The following MINDY4 variants were observed in gnomAD, a reference collection of about 807,000 sequenced individuals.
MINDY4 encodes probable ubiquitin carboxyl-terminal hydrolase MINDY-4.
A neutral mutation model predicts 87.0 loss-of-function variants in MINDY4; 68 were observed. The ratio of observed to expected loss-of-function variants is 0.78; its 90% CI spans 0.64 to 0.96. MINDY4 has a LOEUF of 0.96. Among genes scored for constraint, MINDY4 ranks in the 40% least tolerant of loss-of-function variants. The probability of loss-of-function intolerance (pLI) is 0.00; values close to 1 mark genes in which losing one functional copy is unlikely to be tolerated. For synonymous variants in MINDY4, 379 were observed against 363.2 expected (o/e 1.04, Z -0.50); for missense variants, 919 against 928.2 (o/e 0.99, Z 0.13).
chr7:30,818,185 T>TA (rs1231261590), intron 5 of MINDY4, among the ~76,000 whole-genome samples: 2 of 152,250 alleles, frequency 1.3e-5, no homozygotes, highest in African/African-American at 4.8e-5. Context: ...TGCATCTATT[T>TA]AGATTATTTT....
chr7:30,830,471 A>C (rs1788665756), intron 6 of MINDY4, among the ~76,000 whole-genome samples: 1 of 152,218 alleles, frequency 6.6e-6, no homozygotes, highest in African/African-American at 2.4e-5. Context: ...ACAGTTCAGC[A>C]TGGCTGGGGA....
chr7:30,814,790 C>A (rs189259716), intron 5 of MINDY4, among the ~76,000 whole-genome samples: 1 of 152,346 alleles, frequency 6.6e-6, no homozygotes, highest in Admixed American at 6.5e-5. Context: ...TAAGCCTCTT[C>A]ACCTTTCTAA....
intron 5 of MINDY4, among the ~76,000 whole-genome samples, chr7:30,799,139 C>T (rs1369647593): frequency 1.3e-5 from 2 of 152,122 alleles, no homozygotes; most frequent in East Asian, 3.9e-4. Flanking sequence ...CCTCTCTGGG[C>T]CTCTGTGCTC....
chr7:30,865,422 G>T (rs886432825), intron 13 of MINDY4, among the ~76,000 whole-genome samples: 1 of 152,352 alleles, frequency 6.6e-6, no homozygotes, highest in East Asian at 1.9e-4. Flanking sequence ...GTGGACCCAC[G>T]GGGGCATGGA....
At chr7:30,851,704 G>A (rs1789418599) in intron 10 of MINDY4, among the ~76,000 whole-genome samples, 1 of 152,212 alleles carries the variant, frequency 6.6e-6, no homozygotes, top group Non-Finnish European at 1.5e-5. Context: ...GAAGCCCAGA[G>A]AGGGAGGGTG....
Position 30,852,254 on chromosome 7 carries a change from A to G in MINDY4, c.1586A>G (p.Tyr529Cys). 1.2e-6 allele frequency: 2 copies of G among 1,614,194 alleles called. No homozygotes were observed. Among genetic ancestry groups the G allele is most frequent in the Non-Finnish European group, 1.7e-6 (2 of 1,180,026 alleles). Residue 529 changes from tyrosine to cysteine, a missense_variant, in exon 11 of 18, where the codon TAC becomes TGC. Transcript: ENST00000265299. ...CAGCAGTTCAGTCCAACAGGGAAAT[A>G]CAAAGCAGATGGAGTCTTAGAAACA... ...RTQQFSPTGK[Y>C]KADGVLETLT...
At chr7:30,805,943 G>A (rs1456614478) in intron 5 of MINDY4, among the ~76,000 whole-genome samples, 4 of 152,144 alleles carry the variant, frequency 2.6e-5, no homozygotes, top group South Asian at 2.1e-4. Context: ...CAGGGTGCAC[G>A]GGCTTGGGTG....
chr7:30,865,723 G>A (rs760151909), intron 13 of MINDY4, among the ~76,000 whole-genome samples: 3 of 152,242 alleles, frequency 2.0e-5, no homozygotes, highest in Non-Finnish European at 4.4e-5. Context: ...CCCAAGGGAT[G>A]GGCCCACAGG....
At chr7:30,790,586 G>C (rs2128168185) in intron 4 of MINDY4, among the ~76,000 whole-genome samples, 1 of 152,100 alleles carries the variant, frequency 6.6e-6, no homozygotes, top group African/African-American at 2.4e-5. Flanking sequence ...TGAGATTACA[G>C]TCATGCACCA....
In MINDY4 at chr7:30,882,448, C is replaced by G. The variant is rs918150036; in HGVS notation, c.2152+87C>G. 30 of 1,177,642 alleles carry G rather than the reference C, an allele frequency of 2.5e-5. No homozygotes were observed. The African/African-American group carries it at 4.5e-4, about 18-fold the overall frequency. The allele number at this position is 1,177,642 out of a possible 1,614,324, so 72.9% of individuals were successfully genotyped here. ...CAGAAACCAGCCTTCCTATCCACCA[C>G]CAACCCCCATGACAGAGAGCAGTGC... On this transcript the variant is annotated intron_variant, in intron 16 of 17. Coordinates refer to ENST00000265299, the MANE Select transcript of MINDY4 (RefSeq NM_032222.3).
chr7:30,847,151 C>T (rs912547186), intron 9 of MINDY4, among the ~76,000 whole-genome samples: 4 of 152,198 alleles, frequency 2.6e-5, no homozygotes, highest in African/African-American at 9.7e-5. Context: ...AACCTGTGAA[C>T]CAGGAATCCA....
intron 15 of MINDY4, among the ~76,000 whole-genome samples, chr7:30,876,784 TGGAGGGTCC>T (rs939314855): frequency 1.5e-4 from 23 of 152,144 alleles, no homozygotes; most frequent in Non-Finnish European, 2.9e-4. Context: ...CAAAGATTCT[TGGAGGGTCC>T]GGATGAGGCC....
At chr7:30,852,331 G>C (rs1159868122) in intron 11 of MINDY4, 52 bp downstream of exon 11, 1 of 1,613,144 alleles carries the variant, frequency 6.2e-7, no homozygotes, top group Non-Finnish European at 8.5e-7. Flanking sequence ...TTTGGGGACT[G>C]TCTCCTTTCA....
At chr7:30,801,340 A>G (rs185664266) in intron 5 of MINDY4, among the ~76,000 whole-genome samples, 8 of 152,336 alleles carry the variant, frequency 5.3e-5, no homozygotes, top group Admixed American at 3.9e-4. Flanking sequence ...CTTGAGACAC[A>G]CAATACCTAT....
intron 9 of MINDY4, among the ~76,000 whole-genome samples, chr7:30,848,649 A>T (rs1276249243): frequency 6.6e-5 from 10 of 152,190 alleles, no homozygotes; most frequent in African/African-American, 2.4e-4. Context: ...GACCTGGGCC[A>T]GTGCTCCCAG....
chr7:30,851,158 G>A (rs73076207), intron 10 of MINDY4, among the ~76,000 whole-genome samples: 14,559 of 152,240 alleles, frequency 0.096, 988 homozygotes, highest in South Asian at 0.19. Flanking sequence ...TGGAAGCATC[G>A]CTGTCCCAGC....
intron 3 of MINDY4, among the ~76,000 whole-genome samples, chr7:30,782,704 TAAAAA>T (rs1029704839): frequency 4.0e-5 from 6 of 150,304 alleles, no homozygotes; most frequent in African/African-American, 1.3e-4. Context: ...CCCTGTCTCT[TAAAAA>T]AGAAAAAAAA....
At chr7:30,883,839 G>A (rs1400929905) in intron 17 of MINDY4, among the ~76,000 whole-genome samples, 1 of 152,022 alleles carries the variant, frequency 6.6e-6, no homozygotes, top group Non-Finnish European at 1.5e-5. Context: ...CTGGAGAGAA[G>A]TCGCCTGGGT....
intron 5 of MINDY4, among the ~76,000 whole-genome samples, chr7:30,813,528 A>C (rs1788067722): frequency 6.6e-6 from 1 of 152,222 alleles, no homozygotes; most frequent in African/African-American, 2.4e-5. Flanking sequence ...ACAGCTGAGG[A>C]ACCTCAGCAG....
Sources: gnomAD v4.1 joint callset for allele counts (sites outside exome capture counted in the v4.1 genomes callset) on GRCh38, gnomAD v4.1.1 for gene constraint, MANE v1.5 for transcripts, NCBI Gene and HGNC (gene_info 2026-07-23, HGNC 2026-07-21) for gene names.